ROR1: variants seen among roughly 807,000 people sequenced by gnomAD.
The protein encoded by ROR1 is ROR family WNT receptor 1.
ROR1 carries 19 observed loss-of-function variants against 78.8 expected under a neutral mutation model. The observed-to-expected ratio is 0.24, with a 90% confidence interval of 0.17 to 0.35. ROR1 has a LOEUF of 0.35. ROR1 is among the 10% of genes least tolerant of loss of function. The pLI is 1.00. For missense variants in ROR1, 917 were observed against 1,177.8 expected, an observed-to-expected ratio of 0.78 and a Z score of 3.24; for synonymous variants, 386 against 433.6, an observed-to-expected ratio of 0.89 and a Z score of 1.36.
At chr1:63,846,117 AATGTGTGTGTGTGTGT>A (rs1232122732) in intron 1 of ROR1, among the ~76,000 whole-genome samples, 1,721 of 91,628 alleles carry the variant, frequency 0.019, 43 homozygotes, top group African/African-American at 0.061. Flanking sequence ...AGAGAGAGAG[AATGTGTGTGTGTGTGT>A]GTGTGTGTGT....
At chr1:64,029,835 A>C (rs572651188) in intron 2 of ROR1, among the ~76,000 whole-genome samples, 2 of 152,326 alleles carry the variant, frequency 1.3e-5, no homozygotes, top group African/African-American at 2.4e-5. Flanking sequence ...AGTTCAGTCC[A>C]TTGTACCTTT....
At chr1:63,858,043 C>A (rs941374961) in intron 1 of ROR1, among the ~76,000 whole-genome samples, 5 of 110,264 alleles carry the variant, frequency 4.5e-5, no homozygotes, top group Non-Finnish European at 8.2e-5. Flanking sequence ...TCTCCCCATT[C>A]CCCCAAACTT....
chr1:63,961,445 T>A (rs1646026729), intron 1 of ROR1, among the ~76,000 whole-genome samples: 1 of 152,184 alleles, frequency 6.6e-6, no homozygotes, highest in African/African-American at 2.4e-5. Flanking sequence ...TAAGTGTCCA[T>A]CAATGGATGA....
At chr1:64,006,371 T>C (rs1646427798) in intron 1 of ROR1, among the ~76,000 whole-genome samples, 1 of 152,102 alleles carries the variant, frequency 6.6e-6, no homozygotes, top group Non-Finnish European at 1.5e-5. Flanking sequence ...ACCGCAGCAG[T>C]CCATACTACT....
intron 2 of ROR1, among the ~76,000 whole-genome samples, chr1:64,037,450 A>C (rs1047193282): frequency 4.6e-5 from 7 of 152,178 alleles, no homozygotes; most frequent in Non-Finnish European, 4.4e-5. Flanking sequence ...GAATTTGCTA[A>C]CTATGGACTT....
At chr1:63,921,525 G>GA (rs1645654240) in intron 1 of ROR1, among the ~76,000 whole-genome samples, 4 of 151,542 alleles carry the variant, frequency 2.6e-5, no homozygotes, top group African/African-American at 9.8e-5. Flanking sequence ...CATTATGGTT[G>GA]TTGTCGCTAC....
At chr1:63,816,702 G>A (rs1644894156) in intron 1 of ROR1, among the ~76,000 whole-genome samples, 1 of 152,158 alleles carries the variant, frequency 6.6e-6, no homozygotes, top group East Asian at 1.9e-4. Flanking sequence ...GGTTGTTGAG[G>A]GAGAAGAGAC....
intron 7 of ROR1, among the ~76,000 whole-genome samples, chr1:64,148,260 A>G (rs1649530358): frequency 6.6e-6 from 1 of 152,192 alleles, no homozygotes; most frequent in Admixed American, 6.5e-5. Flanking sequence ...CACATGGTTA[A>G]TAAGAAGTGG....
chr1:63,902,765 C>G (rs116170913), intron 1 of ROR1, among the ~76,000 whole-genome samples: 161 of 152,288 alleles, frequency 1.1e-3, no homozygotes, highest in African/African-American at 3.8e-3. Flanking sequence ...TTAATTCTCT[C>G]ATGTAATGAA....
intron 7 of ROR1, among the ~76,000 whole-genome samples, chr1:64,147,559 C>T (rs1187473914): frequency 1.3e-5 from 2 of 152,188 alleles, no homozygotes; most frequent in East Asian, 1.9e-4. Context: ...CAGGGGTATG[C>T]GTGTCTTCTC....
chr1:64,161,815 CT>C (rs34343244), intron 8 of ROR1, among the ~76,000 whole-genome samples: 74,957 of 151,306 alleles, frequency 0.5, 20,148 homozygotes, highest in Non-Finnish European at 0.6. Context: ...CAAATGCTAA[CT>C]TTTTTTTTTC....
chr1:64,151,776 C>T (rs552888471), intron 7 of ROR1, among the ~76,000 whole-genome samples: 1 of 150,672 alleles, frequency 6.6e-6, no homozygotes, highest in East Asian at 2.0e-4. Flanking sequence ...CCCAGCTACT[C>T]AGGAGGCTGA....
chr1:63,852,380 C>CA (rs1645119664), intron 1 of ROR1, among the ~76,000 whole-genome samples: 1 of 152,226 alleles, frequency 6.6e-6, no homozygotes. Context: ...CCCTCCTGAG[C>CA]ACCCAGCCTT....
At chr1:63,897,412 G>A (rs1645449096) in intron 1 of ROR1, among the ~76,000 whole-genome samples, 1 of 152,184 alleles carries the variant, frequency 6.6e-6, no homozygotes, top group Non-Finnish European at 1.5e-5. Flanking sequence ...CTGAGAGTGG[G>A]CACAGATGGC....
intron 8 of ROR1, among the ~76,000 whole-genome samples, chr1:64,164,331 G>A (rs59520263): frequency 0.03 from 4,586 of 152,212 alleles, 253 homozygotes; most frequent in African/African-American, 0.11. Context: ...GTTTATTTCT[G>A]GAAAGTAGTC....
chr1:64,177,240 T>C (rs1213544814), intron 8 of ROR1, among the ~76,000 whole-genome samples, 188 bp from the exon 9 acceptor site: 1 of 152,154 alleles, frequency 6.6e-6, no homozygotes, highest in Non-Finnish European at 1.5e-5. Context: ...GATAGGGTAG[T>C]GATGGAAAGT....
intron 1 of ROR1, among the ~76,000 whole-genome samples, chr1:63,812,242 A>G (rs1644864434): frequency 6.6e-6 from 1 of 152,162 alleles, no homozygotes; most frequent in African/African-American, 2.4e-5. Flanking sequence ...TTCGCTAACC[A>G]AGGCCTGCAG....
chr1:64,121,081 T>C (rs1448300418), intron 4 of ROR1, among the ~76,000 whole-genome samples: 1 of 56,016 alleles, frequency 1.8e-5, no homozygotes. Context: ...TTTTTTTTTT[T>C]TTTTTTTTTT....
intron 1 of ROR1, among the ~76,000 whole-genome samples, chr1:63,818,930 A>G (rs147598584): frequency 1.1e-4 from 16 of 152,188 alleles, no homozygotes; most frequent in African/African-American, 3.6e-4. Flanking sequence ...TGCATTTCAA[A>G]TTATGCTTCC....
Sources: gnomAD v4.1 joint callset for allele counts (sites outside exome capture counted in the v4.1 genomes callset) on GRCh38, gnomAD v4.1.1 for gene constraint, MANE v1.5 for transcripts, NCBI Gene and HGNC (gene_info 2026-07-23, HGNC 2026-07-21) for gene names.